The following NBEA variants were observed in gnomAD, a reference collection of about 807,000 sequenced individuals.
NBEA encodes the protein neurobeachin, also known as lysosomal-trafficking regulator 2.
Under a neutral mutation model 343.4 loss-of-function variants are expected in NBEA, and 44 were observed. The ratio of observed to expected loss-of-function variants is 0.13; its 90% confidence interval spans 0.10 to 0.16. The LOEUF (loss-of-function observed/expected upper bound fraction) is 0.16. Ranked by LOEUF, NBEA falls within the 10% of genes least tolerant of loss-of-function variation. The probability of loss-of-function intolerance (pLI) is 1.00; values close to 1 mark genes in which losing one functional copy is unlikely to be tolerated. For missense variants in NBEA, 2,555 were observed against 3,631.3 expected (o/e 0.70, Z 7.62); for synonymous variants, 1,175 against 1,238.7 (o/e 0.95, Z 1.08).
chr13:35,428,367 T>A (rs902442808), intron 38 of NBEA, among the ~76,000 whole-genome samples: 1 of 152,210 alleles, frequency 6.6e-6, no homozygotes, highest in African/African-American at 2.4e-5. Flanking sequence ...AAATGCTAAA[T>A]GTTGTGCTCC....
intron 1 of NBEA, among the ~76,000 whole-genome samples, chr13:34,960,380 A>G (rs1292506092): frequency 6.6e-6 from 1 of 152,138 alleles, no homozygotes; most frequent in Non-Finnish European, 1.5e-5. Flanking sequence ...GTTTATAGTA[A>G]GCTAAGTTTA....
intron 17 of NBEA, among the ~76,000 whole-genome samples, chr13:35,135,390 C>A (rs1255006855): frequency 6.6e-6 from 1 of 151,804 alleles, no homozygotes; most frequent in Non-Finnish European, 1.5e-5. Context: ...ATAATATATA[C>A]AATGATAGCC....
chr13:35,424,686 C>T (rs758167429), intron 38 of NBEA, among the ~76,000 whole-genome samples: 1 of 152,142 alleles, frequency 6.6e-6, no homozygotes, highest in Non-Finnish European at 1.5e-5. Flanking sequence ...GGAGGATTCC[C>T]TCTTTTTCTA....
At chr13:35,300,521 A>G (rs1043080961) in intron 35 of NBEA, among the ~76,000 whole-genome samples, 1 of 152,198 alleles carries the variant, frequency 6.6e-6, no homozygotes, top group Non-Finnish European at 1.5e-5. Flanking sequence ...ATGATTAATA[A>G]AAGTAACATT....
chr13:35,440,230 C>A (rs140809483), intron 39 of NBEA, among the ~76,000 whole-genome samples: 59 of 152,216 alleles, frequency 3.9e-4, no homozygotes, highest in Non-Finnish European at 6.2e-4. Flanking sequence ...CCACACCATT[C>A]ATCACTTTGG....
intron 11 of NBEA, among the ~76,000 whole-genome samples, chr13:35,108,163 A>C (rs1032159145): frequency 2.0e-5 from 3 of 152,040 alleles, no homozygotes; most frequent in Non-Finnish European, 1.5e-5. Context: ...CAGTTAGTGA[A>C]GAATAGCGAG....
intron 34 of NBEA, among the ~76,000 whole-genome samples, chr13:35,249,719 C>A (rs970266692): frequency 7.2e-5 from 11 of 152,134 alleles, no homozygotes; most frequent in African/African-American, 2.7e-4. Flanking sequence ...AATTCCAGTT[C>A]TGGGTTTATA....
intron 34 of NBEA, among the ~76,000 whole-genome samples, chr13:35,246,187 T>C (rs2031158590): frequency 6.6e-6 from 1 of 152,160 alleles, no homozygotes; most frequent in Admixed American, 6.5e-5. Context: ...TCTCTTGTCA[T>C]ATCTTATATC....
intron 7 of NBEA, among the ~76,000 whole-genome samples, chr13:35,058,489 G>A (rs2063347559): frequency 6.6e-6 from 1 of 151,960 alleles, no homozygotes; most frequent in African/African-American, 2.4e-5. Flanking sequence ...GATTAAGTAG[G>A]TGGCTATTGT....
rs1470642345 is a variant in NBEA, at chr13:34,942,663, G to T, written c.-158G>T. On this transcript the variant is annotated 5_prime_UTR_variant, in exon 1 of 59. Transcript: ENST00000379939. ...TCCGCGGGGGAGAGCGCCGGAGCGG[G>T]CCGGGCTGAGGCGCAGGCGGGGAGC... The T allele has an allele frequency of 9.4e-6, 4 of 427,326 alleles. No individual in the cohort carries two copies. In the East Asian group the frequency reaches 1.7e-4, roughly 18 times the overall value. 26.5% of individuals were successfully genotyped at this position (427,326 alleles called of 1,614,324 possible).
intron 35 of NBEA, among the ~76,000 whole-genome samples, chr13:35,293,516 C>T (rs114481290): frequency 1.3e-3 from 198 of 152,032 alleles, no homozygotes; most frequent in African/African-American, 4.7e-3. Flanking sequence ...AATATCAAAT[C>T]AGTGCTTAAT....
intron 35 of NBEA, among the ~76,000 whole-genome samples, chr13:35,293,037 TG>T (rs1413581291): frequency 6.6e-6 from 1 of 152,004 alleles, no homozygotes; most frequent in African/African-American, 2.4e-5. Flanking sequence ...GGAAATTTCC[TG>T]TTAGCAACTA....
chr13:35,483,921 C>T (rs1337523728), intron 41 of NBEA, among the ~76,000 whole-genome samples: 1 of 151,956 alleles, frequency 6.6e-6, no homozygotes, highest in Non-Finnish European at 1.5e-5. Context: ...TTGAATTGGC[C>T]TCTATACATT....
intron 49 of NBEA, among the ~76,000 whole-genome samples, chr13:35,631,289 C>G (rs1218725594): frequency 1.3e-5 from 2 of 152,058 alleles, no homozygotes; most frequent in African/African-American, 4.8e-5. Context: ...GGCACAATAC[C>G]TTTTTTTAAA....
chr13:34,973,899 A>G lies in NBEA; in HGVS notation c.294+30785A>G, dbSNP rs538839595. On this transcript the variant is annotated intron_variant, in intron 1 of 58. Transcript: ENST00000379939. Reference sequence around the variant, plus strand: ...TGCAGTCACTTTTGCCAGGATACCCAGAGCCAGAGTCTGTAAAACTCCTGG... The same window carrying G: ...TGCAGTCACTTTTGCCAGGATACCCGGAGCCAGAGTCTGTAAAACTCCTGG... 6.6e-5 allele frequency among the ~76,000 whole-genome samples: 10 copies of G among 152,286 alleles called. 1 individual carries two copies. In the East Asian group the frequency reaches 1.9e-3, roughly 29 times the overall value.
chr13:35,106,475 T>A (rs1461574045), intron 11 of NBEA, among the ~76,000 whole-genome samples: 2 of 151,818 alleles, frequency 1.3e-5, no homozygotes, highest in Admixed American at 6.6e-5. Context: ...ATCAGGAGGA[T>A]AAAAGATGAA....
intron 40 of NBEA, among the ~76,000 whole-genome samples, chr13:35,463,617 C>T (rs530286068): frequency 1.3e-5 from 2 of 150,790 alleles, no homozygotes; most frequent in African/African-American, 4.9e-5. Flanking sequence ...GAGACTCCGT[C>T]GCAAAAAAAA....
chr13:35,409,010 A>C (rs2043430109), intron 38 of NBEA, among the ~76,000 whole-genome samples: 1 of 152,172 alleles, frequency 6.6e-6, no homozygotes, highest in South Asian at 2.1e-4. Flanking sequence ...TACCCAAAGG[A>C]AATAAATCAT....
At chr13:35,378,582 A>T (rs1001417795) in intron 38 of NBEA, among the ~76,000 whole-genome samples, 2 of 152,098 alleles carry the variant, frequency 1.3e-5, no homozygotes, top group Non-Finnish European at 2.9e-5. Context: ...AATTTCAAAT[A>T]CACGTTGAAA....
Sources: gnomAD v4.1 joint callset for allele counts (sites outside exome capture counted in the v4.1 genomes callset) on GRCh38, gnomAD v4.1.1 for gene constraint, MANE v1.5 for transcripts, NCBI Gene and HGNC (gene_info 2026-07-23, HGNC 2026-07-21) for gene names.